The following RECQL variants were observed in gnomAD, a reference collection of about 807,000 sequenced individuals.
RECQL encodes the protein RecQ like helicase, also known as ATP-dependent DNA helicase Q1.
A neutral mutation model predicts 75.8 loss-of-function variants in RECQL; 73 were observed. The observed-to-expected ratio is 0.96, with a 90% confidence interval of 0.80 to 1.17. The LOEUF is 1.17. RECQL is among the 50% of genes most tolerant of loss of function. The pLI, the probability that RECQL is intolerant of heterozygous loss-of-function variation, is 0.00. For synonymous variants in RECQL, 248 were observed against 254.4 expected (o/e 0.97, Z 0.24); for missense variants, 699 against 772.1 (o/e 0.91, Z 1.12).
chr12:21,499,438 T>TA, intron 2 of RECQL, 117 bp downstream of exon 2: 2 of 989,850 alleles, frequency 2.0e-6, no homozygotes, highest in East Asian at 2.5e-5. Flanking sequence ...TTTACTTCAA[T>TA]AAAAAAGCTG....
rs2137374135 is a variant in RECQL, at chr12:21,483,456, G to A, written c.620C>T (p.Ala207Val). ...SKMFMSRLEKAYEARRFTRIA... is the reference protein window; with the variant it reads ...SKMFMSRLEKVYEARRFTRIA... ...TCGAGTAAATCTCCTTGCTTCATAG[G>A]CTTTCTCTAGTCTTGACATAAACAT... The change falls in exon 6 of 15, where the codon GCC (alanine) becomes GTC (valine). Residue 207 changes from alanine to valine, a missense_variant. By Grantham distance (64) the Ala-to-Val change is moderately conservative (BLOSUM62 0). Coordinates refer to ENST00000444129, the MANE Select transcript of RECQL (RefSeq NM_002907.4). 6.2e-7 allele frequency: 1 copy of A among 1,604,984 alleles called. No homozygotes were observed. The highest frequency in any genetic ancestry group is 8.5e-7 in the Non-Finnish European group (1 of 1,177,264).
Position 21,474,993 on chromosome 12 carries a change from A to C in RECQL, c.1217-14T>G. 1 of 1,607,570 alleles carries C rather than the reference A, an allele frequency of 6.2e-7. No individual in the cohort carries two copies. The highest frequency in any genetic ancestry group is 1.3e-5 in the African/African-American group (1 of 74,856). On this transcript the variant is annotated splice_polypyrimidine_tract_variant and intron_variant, in intron 10 of 14. Coordinates refer to ENST00000444129, the MANE Select transcript of RECQL (RefSeq NM_002907.4). ...TGTCATCTCGACCTGTGGTGTGAGAAACCTTGAGATTGCAGAATTACATTT... is the reference window on the plus strand; with the variant it reads ...TGTCATCTCGACCTGTGGTGTGAGACACCTTGAGATTGCAGAATTACATTT...
rs1220859536 is a variant in RECQL, at chr12:21,483,576, T to C, written c.502-2A>G. ...AGCATGAACCCATTTAACATGCTCCTATTAAAAGAAAAAAATAGACACAAT... is the reference window on the plus strand; with the variant it reads ...AGCATGAACCCATTTAACATGCTCCCATTAAAAGAAAAAAATAGACACAAT... On this transcript the variant is annotated splice_acceptor_variant, in intron 5 of 14. Transcript: ENST00000444129. LOFTEE classifies it high-confidence loss of function. The C allele has an allele frequency of 3.8e-6, 6 of 1,560,186 alleles. No homozygotes were observed. In the African/African-American group the frequency reaches 5.6e-5, roughly 15 times the overall value.
rs533877905 is a variant in RECQL, at chr12:21,500,450, C to T, written c.-46+720G>A. Among the ~76,000 whole-genome samples the T allele has an allele frequency of 3.4e-4, 52 of 152,296 alleles. 1 individual carries two copies. Among genetic ancestry groups the T allele is most frequent in the Admixed American group, 3.3e-4 (5 of 15,302 alleles). On this transcript the variant is annotated intron_variant, in intron 1 of 14. Transcript: ENST00000444129. ...TGCTCTCCAAAAGTCACTTCTGCAA[C>T]ACCTATCCTTAGACTGCTGACCTTA...
chr12:21,499,641 A>G, intron 1 of RECQL, 26 bp from the exon 2 acceptor site: 1 of 1,287,064 alleles, frequency 7.8e-7, no homozygotes, highest in Non-Finnish European at 1.1e-6. Flanking sequence ...CAACAGTGAC[A>G]ACAAGTTTTT....
At position 21,474,930 on chromosome 12, in the gene RECQL, A is replaced by G; in HGVS notation, c.1266T>C (p.Asp422=). 1 of 1,613,150 alleles carries G rather than the reference A, an allele frequency of 6.2e-7. No individual in the cohort carries two copies. The highest frequency in any genetic ancestry group is 8.5e-7 in the Non-Finnish European group (1 of 1,179,242). ...CCACCATTGAACTTATTCTGAATAT[A>G]TCTCCAAAGCCGTAGTACAAAATAC... ...ADCILYYGFG[D]IFRISSMVVM... is the part of the protein sequence containing the mutation. Residue 422 remains aspartate (D), a synonymous_variant, in exon 11 of 15, where the codon GAT becomes GAC. Coordinates refer to ENST00000444129, the MANE Select transcript of RECQL (RefSeq NM_002907.4).
chr12:21,480,851 AAGCCCTCTTCATTAAGTTTCTAAGTCTT>A (rs1943179740), intron 6 of RECQL, among the ~76,000 whole-genome samples: 1 of 152,204 alleles, frequency 6.6e-6, no homozygotes, highest in Non-Finnish European at 1.5e-5. Flanking sequence ...TCAGTTCCAC[AAGCCCTCTTCATTAAGTTTCTAAGTCTT>A]ATTTGTTCCA....
chr12:21,474,784 C>G, intron 11 of RECQL, 57 bp downstream of exon 11: 1 of 1,525,006 alleles, frequency 6.6e-7, no homozygotes, highest in African/African-American at 1.4e-5. Context: ...AAAACGATGT[C>G]ATATACTTTC....
intron 8 of RECQL, among the ~76,000 whole-genome samples, chr12:21,476,293 T>A (rs1341016000): frequency 6.6e-6 from 1 of 151,998 alleles, no homozygotes; most frequent in East Asian, 1.9e-4. Context: ...CCTGTGAACA[T>A]CCAGGCAGAA....
At chr12:21,478,955 C>T (rs368379300) in intron 6 of RECQL, among the ~76,000 whole-genome samples, 4 of 152,178 alleles carry the variant, frequency 2.6e-5, no homozygotes, top group East Asian at 1.9e-4. Flanking sequence ...CCCACAGAGG[C>T]GATAGCTACT....
At chr12:21,478,966 C>CA (rs1163610237) in intron 6 of RECQL, among the ~76,000 whole-genome samples, 1 of 152,204 alleles carries the variant, frequency 6.6e-6, no homozygotes, top group East Asian at 1.9e-4. Flanking sequence ...GATAGCTACT[C>CA]ACAGGAAGTA....
chr12:21,477,401 A>G (rs990088088), intron 7 of RECQL, among the ~76,000 whole-genome samples: 8 of 152,242 alleles, frequency 5.3e-5, no homozygotes, highest in Non-Finnish European at 7.3e-5. Context: ...ATCAAATAAA[A>G]TTCAAATAGA....
chr12:21,483,883 A>G (rs1185885178), intron 5 of RECQL, among the ~76,000 whole-genome samples: 1 of 152,192 alleles, frequency 6.6e-6, no homozygotes, highest in African/African-American at 2.4e-5. Context: ...ATAATCCTAA[A>G]TTGTTCATAA....
At chr12:21,495,314 C>T (rs1037158394) in intron 2 of RECQL, among the ~76,000 whole-genome samples, 7 of 152,088 alleles carry the variant, frequency 4.6e-5, no homozygotes, top group Non-Finnish European at 7.4e-5. Context: ...AAAGAGAAAT[C>T]GGCCAGGCAC....
intron 6 of RECQL, among the ~76,000 whole-genome samples, chr12:21,480,512 T>C (rs562557772): frequency 3.9e-5 from 6 of 152,114 alleles, no homozygotes; most frequent in Non-Finnish European, 5.9e-5. Flanking sequence ...GGACGGTGTG[T>C]CATCCATTTT....
intron 14 of RECQL, chr12:21,470,766 T>C (rs1008117823): frequency 2.6e-6 from 1 of 383,082 alleles, no homozygotes; most frequent in African/African-American, 2.1e-5. Context: ...AAACCCCTAG[T>C]TTATGTTAAA....
intron 12 of RECQL, among the ~76,000 whole-genome samples, chr12:21,472,428 G>A (rs1429360912): frequency 6.6e-6 from 1 of 152,080 alleles, no homozygotes; most frequent in Admixed American, 6.6e-5. Context: ...ACAGAGCAGG[G>A]CTACCCCAAA....
intron 11 of RECQL, 89 bp downstream of exon 11, chr12:21,474,752 C>A: frequency 7.8e-7 from 1 of 1,277,220 alleles, no homozygotes. Context: ...GGTGTTCCAC[C>A]AATGTATTTA....
chr12:21,476,882 T>C, intron 8 of RECQL, 29 bp downstream of exon 8: 1 of 1,483,376 alleles, frequency 6.7e-7, no homozygotes, highest in African/African-American at 1.4e-5. Context: ...GTTATCTCTG[T>C]CTCCAAAGTT....
Sources: allele counts gnomAD v4.1 joint callset (sites outside exome capture counted in the v4.1 genomes callset), GRCh38; gene constraint gnomAD v4.1.1; transcripts MANE v1.5; gene names NCBI Gene and HGNC (gene_info 2026-07-23, HGNC 2026-07-21).